The following DHRS2 variants were observed in gnomAD, a reference collection of about 807,000 sequenced individuals.
DHRS2 encodes dehydrogenase/reductase SDR family member 2, mitochondrial.
Under a neutral mutation model 26.3 loss-of-function variants are expected in DHRS2, and 29 were observed. That is an observed-to-expected ratio of 1.10 (90% CI 0.82 to 1.50). The LOEUF (loss-of-function observed/expected upper bound fraction) is 1.50. DHRS2 is among the 40% of genes most tolerant of loss of function. DHRS2 has a pLI of 0.00. For synonymous variants in DHRS2, 164 were observed against 151.3 expected (o/e 1.08, Z -0.62); for missense variants, 439 against 367.1 (o/e 1.20, Z -1.60).
chr14:23,633,169 T>C (rs565625553), upstream of DHRS2, among the ~76,000 whole-genome samples: 1 of 152,316 alleles, frequency 6.6e-6, no homozygotes, highest in Admixed American at 6.5e-5. Flanking sequence ...GAGTCTCCCA[T>C]GCCAGATCCT....
At chr14:23,638,157 A>C (rs1225747487) in intron 1 of DHRS2, 2 of 153,080 alleles carry the variant, frequency 1.3e-5, no homozygotes, top group African/African-American at 4.8e-5. Flanking sequence ...CTCCAGACGC[A>C]CTGCCTTTAA....
upstream of DHRS2, among the ~76,000 whole-genome samples, chr14:23,633,217 C>T (rs1463153727): frequency 6.6e-6 from 1 of 152,228 alleles, no homozygotes; most frequent in Non-Finnish European, 1.5e-5. Flanking sequence ...TACAGAGGCA[C>T]ACCGTTCCCT....
At position 23,644,515 on chromosome 14, in the gene DHRS2, G is replaced by A. The variant is rs1232168341; in HGVS notation, c.647G>A (p.Gly216Glu). 2 of 1,614,088 alleles carry A rather than the reference G, an allele frequency of 1.2e-6. No homozygotes were observed. Among genetic ancestry groups the A allele is most frequent in the Non-Finnish European group, 1.7e-6 (2 of 1,180,048 alleles). The change falls in exon 7 of 9, where the codon GGA becomes GAA. Residue 216 changes from glycine to glutamate, a missense_variant. Physicochemically the swap from Gly to Glu is moderately conservative, Grantham distance 98 (BLOSUM62 -2). Coordinates refer to ENST00000250383, the MANE Select transcript of DHRS2 (RefSeq NM_005794.4). ...ATCCGGGTAAACTGCGTGGTTCCAG[G>A]AATTATCAAAACTGACTTCAGCAAA... ...KDIRVNCVVP[G>E]IIKTDFSKVF...
chr14:23,639,457 C>A, intron 3 of DHRS2, 101 bp downstream of exon 3: 1 of 1,411,034 alleles, frequency 7.1e-7, no homozygotes, highest in South Asian at 1.5e-5. Flanking sequence ...TGTCCTGAGA[C>A]CATGACTGCA....
Position 23,644,486 on chromosome 14 carries a change from G to A in DHRS2, c.618G>A (p.Lys206=). The A allele has an allele frequency of 6.2e-7, 1 of 1,614,224 alleles. No homozygotes were observed. The highest frequency in any genetic ancestry group is 8.5e-7 in the Non-Finnish European group (1 of 1,180,044). ...TRTLALELAP[K]DIRVNCVVPG... is the part of the protein sequence containing the mutation. ...CACTGGCATTGGAGCTGGCCCCCAAGGACATCCGGGTAAACTGCGTGGTTC... is the reference window on the plus strand; with the variant it reads ...CACTGGCATTGGAGCTGGCCCCCAAAGACATCCGGGTAAACTGCGTGGTTC... The change falls in exon 7 of 9, where the codon AAG becomes AAA. Residue 206 remains lysine, a synonymous_variant. Transcript: ENST00000250383.
upstream of DHRS2, among the ~76,000 whole-genome samples, chr14:23,632,227 C>T (rs1890141393): frequency 6.6e-6 from 1 of 152,168 alleles, no homozygotes; most frequent in African/African-American, 2.4e-5. Flanking sequence ...AATCTGAGCT[C>T]GCAGCAGAAG....
intron 4 of DHRS2, chr14:23,640,193 G>A: frequency 1.0e-6 from 1 of 954,370 alleles, no homozygotes; most frequent in East Asian, 7.9e-5. Flanking sequence ...ACTATTCCAG[G>A]CTCTAGGGAT....
rs1890807122 is a variant in DHRS2 at position 23,644,765 on chromosome 14, C to T, written c.676-62C>T. The T allele has an allele frequency of 5.7e-6, 9 of 1,592,296 alleles. No homozygotes were observed. The South Asian group carries it at 7.7e-5, about 14-fold the overall frequency. ...CCTAGGTGTTCTGCCTGGTGGCCTT[C>T]CCGGGGCCCTGCCCATCTTGTTTTA... On this transcript the variant is annotated intron_variant, in intron 7 of 8. Coordinates refer to ENST00000250383, the MANE Select transcript of DHRS2 (RefSeq NM_005794.4).
intron 8 of DHRS2, 30 bp downstream of exon 8, chr14:23,644,912 A>T: frequency 6.2e-7 from 1 of 1,612,474 alleles, no homozygotes; most frequent in South Asian, 1.1e-5. Flanking sequence ...TTGGTGGTCC[A>T]TGTGTGGCTA....
intron 4 of DHRS2, chr14:23,641,640 C>T (rs1189713600): frequency 1.6e-6 from 2 of 1,289,826 alleles, no homozygotes; most frequent in Non-Finnish European, 1.0e-6. Flanking sequence ...TTACAGCTAA[C>T]CTAATCCTCA....
rs560989139 is a variant in DHRS2 at position 23,637,638 on chromosome 14, G to A, written c.-39+866G>A. Among the ~76,000 whole-genome samples, 18 of 152,200 alleles carry A rather than the reference G, an allele frequency of 1.2e-4. No homozygotes were observed. The South Asian group carries it at 1.9e-3, about 16-fold the overall frequency. On this transcript the variant is annotated intron_variant, in intron 1 of 8. Transcript: ENST00000250383. ...GACTCTAACAGGTTTTCGAGAATGC[G>A]TCGGTAAGGGCCACTAAATCCGATT...
In DHRS2 at chr14:23,643,166, C is replaced by A. The variant is rs756991174; in HGVS notation, c.435C>A (p.Asn145Lys). The change falls in exon 5 of 9, where the codon AAC becomes AAA. Residue 145 changes from asparagine (N) to lysine (K), a missense_variant. Physicochemically the swap from Asn to Lys is moderately conservative, Grantham distance 94. Transcript: ENST00000250383. ...TCTGATTTCAGATCCTAAGTGTGAA[C>A]GTGAAGTCCCCAGCCCTGCTGCTGA... ...EQIWDKILSVNVKSPALLLSQ... is the reference protein window; with the variant it reads ...EQIWDKILSVKVKSPALLLSQ... 3 of 1,613,968 alleles carry A rather than the reference C, an allele frequency of 1.9e-6. No individual in the cohort carries two copies. In the African/African-American group the frequency reaches 4.0e-5, roughly 22 times the overall value.
chr14:23,644,771 G>T (rs1313012171), intron 7 of DHRS2, 56 bp from the exon 8 acceptor site: 2 of 1,598,746 alleles, frequency 1.3e-6, no homozygotes, highest in Non-Finnish European at 1.7e-6. Flanking sequence ...CCTTCCCGGG[G>T]CCCTGCCCAT....
At chr14:23,632,774 C>T (rs186633885), upstream of DHRS2, among the ~76,000 whole-genome samples, 7 of 152,308 alleles carry the variant, frequency 4.6e-5, no homozygotes, top group East Asian at 1.4e-3. Flanking sequence ...TGATGAGGGT[C>T]TGTAGACAGA....
At chr14:23,642,029 C>T (rs746106154) in intron 4 of DHRS2, 11 of 1,103,488 alleles carry the variant, frequency 1.0e-5, no homozygotes, top group Non-Finnish European at 1.2e-5. Context: ...ACTTCTCCCC[C>T]GTTCCCAGAC....
At chr14:23,638,773 A>G in intron 1 of DHRS2, 54 bp from the exon 2 acceptor site, 1 of 1,524,508 alleles carries the variant, frequency 6.6e-7, no homozygotes, top group South Asian at 1.3e-5. Flanking sequence ...AGGGTAGATT[A>G]CCTTCATGCT....
At chr14:23,644,753 C>T in intron 7 of DHRS2, 74 bp from the exon 8 acceptor site, 1 of 1,558,250 alleles carries the variant, frequency 6.4e-7, no homozygotes, top group Non-Finnish European at 8.8e-7. Flanking sequence ...AGGTGTTCTG[C>T]CTGGTGGCCT....
At position 23,644,673 on chromosome 14, in the gene DHRS2, A is replaced by G. The variant is rs1222595460; in HGVS notation, c.675+130A>G. The G allele has an allele frequency of 2.6e-6, 4 of 1,510,400 alleles. No individual in the cohort carries two copies. In the African/African-American group the frequency reaches 4.1e-5, roughly 16 times the overall value. 93.6% of individuals were successfully genotyped at this position (1,510,400 alleles called of 1,614,324 possible). On this transcript the variant is annotated intron_variant, in intron 7 of 8. Transcript: ENST00000250383. ...TGACTGAGGTCCTCATTGTTCTCTG[A>G]ACTCAGCCATGGTGCAGTCCATCCA...
chr14:23,633,461 A>G (rs1890178745), upstream of DHRS2, among the ~76,000 whole-genome samples: 1 of 151,890 alleles, frequency 6.6e-6, no homozygotes, highest in Non-Finnish European at 1.5e-5. Context: ...CACACCCTCC[A>G]TTCTTCCTCT....
Sources: gnomAD v4.1 joint callset for allele counts (sites outside exome capture counted in the v4.1 genomes callset) on GRCh38, gnomAD v4.1.1 for gene constraint, MANE v1.5 for transcripts, NCBI Gene and HGNC (gene_info 2026-07-23, HGNC 2026-07-21) for gene names.